MAPK8IP3: variants seen among roughly 807,000 people sequenced by gnomAD.
MAPK8IP3 encodes the protein C-Jun-amino-terminal kinase-interacting protein 3.
In MAPK8IP3, 49 loss-of-function variants were observed where a neutral mutation model predicts 157.8. The observed-to-expected ratio is 0.31, with a 90% CI of 0.25 to 0.39. MAPK8IP3 has a LOEUF of 0.39. Among genes scored for constraint, MAPK8IP3 ranks in the 10% least tolerant of loss-of-function variants. MAPK8IP3 has a pLI of 1.00. For missense variants in MAPK8IP3, 1,478 were observed against 1,889.4 expected (o/e 0.78, Z 4.04); for synonymous variants, 897 against 777.7 (o/e 1.15, Z -2.55).
At position 1,706,733 on chromosome 16, in the gene MAPK8IP3, G is replaced by GGGGACCCCCTTT; in HGVS notation, c.318+76_318+77insGGGACCCCCTTT. 4.4e-6 allele frequency: 6 copies of GGGGACCCCCTTT among 1,354,720 alleles called. No homozygotes were observed. Among genetic ancestry groups the GGGGACCCCCTTT allele is most frequent in the Non-Finnish European group, 5.7e-6 (6 of 1,050,762 alleles). 83.9% of individuals were successfully genotyped at this position (1,354,720 alleles called of 1,614,324 possible). A position where few individuals can be genotyped will look rare whatever the true frequency, so the allele number is the denominator to read the frequency against. On this transcript the variant is annotated intron_variant, in intron 1 of 31. Coordinates refer to ENST00000610761, the MANE Select transcript of MAPK8IP3 (RefSeq NM_001318852.2). This position sits in a 1 kb window ranked among gnomAD's most constrained non-coding sequence, Gnocchi z 5.1. Reference sequence around the variant, plus strand: ...GCCCCGGGCCCCGGACCCAACACCCGTCCCGACCCCAGACCCCGCTCCGGC... The same window carrying GGGGACCCCCTTT: ...GCCCCGGGCCCCGGACCCAACACCCGGGGACCCCCTTTTCCCGACCCCAGACCCCGCTCCGGC...
intron 20 of MAPK8IP3, 47 bp from the exon 21 acceptor site, chr16:1,765,913 A>G (rs1333785543): frequency 1.3e-6 from 2 of 1,538,398 alleles, no homozygotes; most frequent in Middle Eastern, 1.7e-4. Flanking sequence ...ACGCCCTTGC[A>G]GTAGTGGGTT....
At position 1,762,687 on chromosome 16, in the gene MAPK8IP3, G is replaced by A. The variant is rs1474099689; in HGVS notation, c.1683G>A (p.Glu561=). The A allele has an allele frequency of 2.6e-6, 4 of 1,560,848 alleles. No individual in the cohort carries two copies. Residue 561 remains glutamate (E), a synonymous_variant, in exon 15 of 32, where the codon GAG becomes GAA. Transcript: ENST00000610761. ...CCCTCCCCTGCAGAGCGTCCCGAGAGCACCCATCCGTCCAGGAGAAGAAGA... is the reference window on the plus strand; with the variant it reads ...CCCTCCCCTGCAGAGCGTCCCGAGAACACCCATCCGTCCAGGAGAAGAAGA... The part of the protein sequence containing the change: ...RWTEMIRASR[E]HPSVQEKKKS...
At chr16:1,738,716 CGT>C (rs1215406210) in intron 4 of MAPK8IP3, among the ~76,000 whole-genome samples, 10 of 115,726 alleles carry the variant, frequency 8.6e-5, no homozygotes, top group South Asian at 7.3e-4. Flanking sequence ...TGTGAGCATC[CGT>C]GTGAGTGTGA....
intron 2 of MAPK8IP3, among the ~76,000 whole-genome samples, chr16:1,726,158 G>C (rs1164067896): frequency 6.6e-6 from 1 of 152,224 alleles, no homozygotes; most frequent in Non-Finnish European, 1.5e-5. Context: ...ACAATGACCT[G>C]CTGACGAGTC....
At chr16:1,757,906 T>A (rs1325785522) in intron 8 of MAPK8IP3, among the ~76,000 whole-genome samples, 1 of 152,194 alleles carries the variant, frequency 6.6e-6, no homozygotes, top group Non-Finnish European at 1.5e-5. Context: ...GGGTCAGGGC[T>A]CGGCAACACA....
chr16:1,722,544 A>G (rs1348079676), intron 1 of MAPK8IP3, among the ~76,000 whole-genome samples: 2 of 151,976 alleles, frequency 1.3e-5, no homozygotes, highest in African/African-American at 2.4e-5. Context: ...TTATATTCCC[A>G]TCTTCTGAGA....
rs746311516 is a variant in MAPK8IP3, at chr16:1,765,052, G to A, written c.2320G>A (p.Val774Met). Residue 774 changes from valine to methionine, a missense_variant, in exon 20 of 32, where the codon GTG (valine) becomes ATG (methionine). By Grantham distance (21) the Val-to-Met change is conservative. Transcript: ENST00000610761. ...LPEMDATSSRVWILTSTLTTS... is the reference protein window; with the variant it reads ...LPEMDATSSRMWILTSTLTTS... ...TGAAATGGACGCCACCTCCAGCCGG[G>A]TGTGGATCCTGACCAGCACCCTGAC... The A allele has an allele frequency of 1.2e-6, 2 of 1,611,662 alleles. No homozygotes were observed. Among genetic ancestry groups the A allele is most frequent in the Non-Finnish European group, 1.7e-6 (2 of 1,179,092 alleles).
chr16:1,756,969 A>G (rs1016854915), intron 8 of MAPK8IP3, among the ~76,000 whole-genome samples: 1 of 152,152 alleles, frequency 6.6e-6, no homozygotes, highest in African/African-American at 2.4e-5. Context: ...AGGAAACCTG[A>G]GAGGAGAATA....
chr16:1,721,855 C>A (rs1208449819), intron 1 of MAPK8IP3, among the ~76,000 whole-genome samples: 1 of 152,136 alleles, frequency 6.6e-6, no homozygotes, highest in African/African-American at 2.4e-5. Context: ...CTGCAACCTC[C>A]GCCTCCCGGG....
chr16:1,724,601 G>A lies in MAPK8IP3; in HGVS notation c.363G>A (p.Glu121=), dbSNP rs773947977. The change falls in exon 2 of 32, where the codon GAG becomes GAA. Residue 121 remains glutamate (E), a synonymous_variant. Coordinates refer to ENST00000610761, the MANE Select transcript of MAPK8IP3 (RefSeq NM_001318852.2). The surrounding 1 kb of genome is among the most constrained non-coding windows in gnomAD (Gnocchi z 4.1). The part of the protein sequence containing the change: ...FEDALEQEKK[E]LQIQVEHYEF... Reference sequence around the variant, plus strand: ...ATGCTCTGGAACAAGAGAAGAAAGAGCTGCAAATCCAGGTGGAGCACTACG... The same window carrying A: ...ATGCTCTGGAACAAGAGAAGAAAGAACTGCAAATCCAGGTGGAGCACTACG... 1.2e-6 allele frequency: 2 copies of A among 1,613,690 alleles called. No individual in the cohort carries two copies. Among genetic ancestry groups the A allele is most frequent in the South Asian group, 1.1e-5 (1 of 91,088 alleles).
intron 2 of MAPK8IP3, among the ~76,000 whole-genome samples, chr16:1,727,191 C>T (rs1437249378): frequency 1.4e-5 from 2 of 147,086 alleles, no homozygotes; most frequent in Non-Finnish European, 3.0e-5. Context: ...CTGTGTGCGG[C>T]ATCTGAGTTG....
chr16:1,768,575 C>T lies in MAPK8IP3; in HGVS notation c.3841C>T (p.Arg1281Trp), dbSNP rs369320687. Reference sequence around the variant, plus strand: ...CTCGGAGGTCGAGGGCCAGAAGCTGCGGAACGTGCTGGTGCTGAGCGGCGG... The same window carrying T: ...CTCGGAGGTCGAGGGCCAGAAGCTGTGGAACGTGCTGGTGCTGAGCGGCGG... ...PASEVEGQKLRNVLVLSGGEG... is the reference protein window; with the variant it reads ...PASEVEGQKLWNVLVLSGGEG... Residue 1281 changes from arginine (R) to tryptophan (W), a missense_variant, in exon 31 of 32, where the codon CGG (arginine) becomes TGG (tryptophan). Physicochemically the swap from Arg to Trp is moderately radical, Grantham distance 101. Coordinates refer to ENST00000610761, the MANE Select transcript of MAPK8IP3 (RefSeq NM_001318852.2). 5 of 1,586,758 alleles carry T rather than the reference C, an allele frequency of 3.2e-6. No homozygotes were observed. Among genetic ancestry groups the T allele is most frequent in the Non-Finnish European group, 1.7e-6 (2 of 1,167,528 alleles).
At chr16:1,708,996 C>T (rs1014830142) in intron 1 of MAPK8IP3, among the ~76,000 whole-genome samples, 4 of 152,132 alleles carry the variant, frequency 2.6e-5, no homozygotes, top group African/African-American at 4.8e-5. Flanking sequence ...GGGAGCGGGA[C>T]GTCACACGCT....
intron 4 of MAPK8IP3, among the ~76,000 whole-genome samples, chr16:1,740,189 TGA>T (rs1440710533): frequency 3.3e-5 from 4 of 122,194 alleles, no homozygotes; most frequent in Admixed American, 1.6e-4. Flanking sequence ...ACCGTTCGTG[TGA>T]GTGTGTGACC....
intron 1 of MAPK8IP3, among the ~76,000 whole-genome samples, chr16:1,716,346 G>A (rs767406365): frequency 7.3e-6 from 1 of 136,922 alleles, no homozygotes; most frequent in Admixed American, 7.9e-5. Context: ...GTCTCCCTCT[G>A]TCATGCAGTG....
intron 4 of MAPK8IP3, among the ~76,000 whole-genome samples, chr16:1,737,029 CATGTGAGCATCCGT>C: frequency 1.5e-5 from 1 of 66,386 alleles, no homozygotes; most frequent in African/African-American, 5.9e-5. Context: ...TGTGACCATC[CATGTGAGCATCCGT>C]GTGACCGTCC....
At chr16:1,712,631 C>T (rs2037864703) in intron 1 of MAPK8IP3, among the ~76,000 whole-genome samples, 1 of 152,164 alleles carries the variant, frequency 6.6e-6, no homozygotes. Context: ...ACTGGGTGGA[C>T]AGAGTGAGGC....
In MAPK8IP3 at chr16:1,765,037, G is replaced by A. The variant is rs754872582; in HGVS notation, c.2305G>A (p.Ala769Thr). The A allele has an allele frequency of 2.6e-5, 42 of 1,610,058 alleles. No homozygotes were observed. The highest frequency in any genetic ancestry group is 4.0e-5 in the African/African-American group (3 of 74,878). The part of the protein sequence containing the change: ...KKAKELPEMD[A>T]TSSRVWILTS... ...GGCCAAGGAGCTCCCTGAAATGGAC[G>A]CCACCTCCAGCCGGGTGTGGATCCT... The change falls in exon 20 of 32, where the codon GCC becomes ACC. Residue 769 changes from alanine (A) to threonine (T), a missense_variant. Physicochemically the swap from Ala to Thr is moderately conservative, Grantham distance 58. Transcript: ENST00000610761.
chr16:1,706,234 C>T lies in MAPK8IP3; in HGVS notation c.-106C>T. 2 of 1,051,238 alleles carry T rather than the reference C, an allele frequency of 1.9e-6. No individual in the cohort carries two copies. The highest frequency in any genetic ancestry group is 2.0e-5 in the South Asian group (1 of 49,440). 65.1% of individuals were successfully genotyped at this position (1,051,238 alleles called of 1,614,324 possible). A position where few individuals can be genotyped will look rare whatever the true frequency, so the allele number is the denominator to read the frequency against. The stretch of plus-strand genomic sequence containing the variant: ...CGGCGGCGGAGCCCTGAGGCGACAG[C>T]AGCTGCGGGAGGCGACGGGCTGCGG... On this transcript the variant is annotated 5_prime_UTR_variant, in exon 1 of 32. Transcript: ENST00000610761. This position sits in a 1 kb window ranked among gnomAD's most constrained non-coding sequence, Gnocchi z 5.1.
Sources: gnomAD v4.1 joint callset for allele counts (sites outside exome capture counted in the v4.1 genomes callset) on GRCh38, gnomAD v4.1.1 for gene constraint, Gnocchi (gnomAD v3.1) non-coding constraint, MANE v1.5 for transcripts, NCBI Gene and HGNC (gene_info 2026-07-23, HGNC 2026-07-21) for gene names.